Variants in BPI observed in about 807,000 individuals in gnomAD.
BPI encodes the protein bactericidal permeability increasing protein.
Under a neutral mutation model 57.6 loss-of-function variants are expected in BPI, and 48 were observed. The observed-to-expected ratio is 0.83, with a 90% CI of 0.66 to 1.06. BPI has a LOEUF of 1.06. Among genes scored for constraint, BPI ranks in the 50% least tolerant of loss-of-function variants. The pLI is 0.00. For missense variants in BPI, 651 were observed against 609.7 expected, an observed-to-expected ratio of 1.07 and a Z score of -0.71; for synonymous variants, 237 against 238.2, an observed-to-expected ratio of 0.99 and a Z score of 0.05.
intron 12 of BPI, among the ~76,000 whole-genome samples, chr20:38,331,860 A>G (rs975105405): frequency 2.2e-5 from 3 of 134,228 alleles, no homozygotes; most frequent in Admixed American, 7.2e-5. Context: ...AAAAAAAAAA[A>G]GAGAGAGAAG....
intron 1 of BPI, 30 bp downstream of exon 1, chr20:38,304,383 C>T: frequency 6.2e-7 from 1 of 1,608,702 alleles, no homozygotes; most frequent in Non-Finnish European, 8.5e-7. Flanking sequence ...CCCTCCTCTC[C>T]ACCCCTGAGG....
At chr20:38,316,737 T>C (rs2076654050) in intron 5 of BPI, among the ~76,000 whole-genome samples, 1 of 151,964 alleles carries the variant, frequency 6.6e-6, no homozygotes. Context: ...AAGGCTGGGG[T>C]ATTTGTCTAC....
At chr20:38,330,991 G>C in intron 11 of BPI, 57 bp from the exon 12 acceptor site, 1 of 1,591,306 alleles carries the variant, frequency 6.3e-7, no homozygotes. Flanking sequence ...CTAGAGACTG[G>C]GTTCTCATGC....
In BPI at chr20:38,337,475, G is replaced by T; in HGVS notation, c.*291G>T. The T allele has an allele frequency of 3.1e-6, 1 of 322,950 alleles. No homozygotes were observed. The highest frequency in any genetic ancestry group is 5.5e-6 in the Non-Finnish European group (1 of 180,292). The allele number at this position is 322,950 out of a possible 1,614,324, so 20.0% of individuals were successfully genotyped here. ...CAAGAAATTTCCATTTGTGCTTCAT[G>T]AAAAAAAACTTCTGGTTTTTTTCAT... is the stretch of plus-strand genomic sequence containing the variant. On this transcript the variant is annotated 3_prime_UTR_variant, in exon 15 of 15. Coordinates refer to ENST00000642449, the MANE Select transcript of BPI (RefSeq NM_001725.3).
chr20:38,320,942 G>A (rs1485812089), intron 7 of BPI, among the ~76,000 whole-genome samples: 1 of 116,326 alleles, frequency 8.6e-6, no homozygotes, highest in African/African-American at 3.3e-5. Context: ...TGGGTAAGTG[G>A]ATGGGAGGTG....
rs151215961 is a variant in BPI, at chr20:38,318,445, C to T, written c.633C>T (p.Ser211=). 2,922 of 1,613,890 alleles carry T rather than the reference C, an allele frequency of 1.8e-3. 42 individuals are homozygous for T. The African/African-American group carries it at 0.033, about 18-fold the overall frequency. The change falls in exon 6 of 15, where the codon TCC becomes TCT. Residue 211 remains serine, a synonymous_variant. Transcript: ENST00000642449. The stretch of plus-strand genomic sequence containing the variant: ...AGAAAGTGACCAATTCTGTATCCTC[C>T]GAGCTGCAACCTTATTTCCAGACTC... ...VCEKVTNSVS[S]ELQPYFQTLP... is the part of the protein sequence containing the mutation.
At chr20:38,324,166 A>G in intron 8 of BPI, 120 bp downstream of exon 8, 1 of 1,221,496 alleles carries the variant, frequency 8.2e-7, no homozygotes, top group South Asian at 1.6e-5. Flanking sequence ...TTGACTCTAG[A>G]GTCAGCTAGA....
chr20:38,327,665 C>T lies in BPI; in HGVS notation c.1229+10C>T, dbSNP rs936480285. ...AGCTCAAGCTGGATAGGTAAGTGGGCCTGTGAGAGGAGGAGGGGGCTGCCC... is the reference window on the plus strand; with the variant it reads ...AGCTCAAGCTGGATAGGTAAGTGGGTCTGTGAGAGGAGGAGGGGGCTGCCC... On this transcript the variant is annotated intron_variant, in intron 11 of 14. Coordinates refer to ENST00000642449, the MANE Select transcript of BPI (RefSeq NM_001725.3). The T allele has an allele frequency of 6.8e-6, 11 of 1,613,002 alleles. No individual in the cohort carries two copies. The highest frequency in any genetic ancestry group is 2.2e-5 in the East Asian group (1 of 44,864).
chr20:38,317,339 AGGCATGACAGGGAT>A (rs1187851335), intron 5 of BPI, among the ~76,000 whole-genome samples: 1 of 152,228 alleles, frequency 6.6e-6, no homozygotes, highest in African/African-American at 2.4e-5. Context: ...ATCAGGAAAA[AGGCATGACAGGGAT>A]GGCTAAGCTC....
intron 12 of BPI, among the ~76,000 whole-genome samples, chr20:38,333,177 G>C (rs1021652244): frequency 6.6e-6 from 1 of 151,934 alleles, no homozygotes; most frequent in African/African-American, 2.4e-5. Context: ...GTATTTTCAT[G>C]GACTTACTGG....
chr20:38,311,710 C>T (rs1015679232), intron 4 of BPI, among the ~76,000 whole-genome samples, 164 bp from the exon 5 acceptor site: 9 of 151,986 alleles, frequency 5.9e-5, no homozygotes, highest in African/African-American at 2.2e-4. Context: ...GTCACTAAAT[C>T]GGGGAGAAGT....
chr20:38,307,649 G>C lies in BPI; in HGVS notation c.213G>C (p.Lys71Asn). 1 of 1,612,100 alleles carries C rather than the reference G, an allele frequency of 6.2e-7. No individual in the cohort carries two copies. Among genetic ancestry groups the C allele is most frequent in the South Asian group, 1.1e-5 (1 of 90,584 alleles). The change falls in exon 2 of 15, where the codon AAG (lysine) becomes AAC (asparagine). Residue 71 changes from lysine (K) to asparagine (N), a missense_variant. Transcript: ENST00000642449. ...ACTACTCAGACAGCTTTAAGATCAA[G>C]CATCTTGGGAAGGGGCATTATAGCT... ...IPDYSDSFKI[K>N]HLGKGHYSFY... is the part of the protein sequence containing the mutation.
intron 5 of BPI, among the ~76,000 whole-genome samples, chr20:38,314,403 ATGG>A (rs1405695451): frequency 7.6e-6 from 1 of 131,098 alleles, no homozygotes; most frequent in East Asian, 2.7e-4. Flanking sequence ...GATGATGGTG[ATGG>A]TGGGGATGAT....
chr20:38,326,092 C>T (rs2076711429), intron 9 of BPI, among the ~76,000 whole-genome samples, 173 bp from the exon 10 acceptor site: 2 of 152,122 alleles, frequency 1.3e-5, no homozygotes, highest in South Asian at 4.1e-4. Flanking sequence ...GGCAGAGGTA[C>T]ATGTGGTGAG....
intron 7 of BPI, among the ~76,000 whole-genome samples, chr20:38,322,836 C>T (rs2076693302): frequency 6.6e-6 from 1 of 152,176 alleles, no homozygotes. Flanking sequence ...TCTCAAATTC[C>T]TGACCTCAGG....
intron 7 of BPI, 124 bp downstream of exon 7, chr20:38,320,398 T>C: frequency 1.2e-6 from 1 of 845,668 alleles, no homozygotes; most frequent in Non-Finnish European, 1.8e-6. Context: ...CACCACCCTC[T>C]CTACTCTCCC....
At chr20:38,309,695 T>G (rs1371215978) in intron 3 of BPI, among the ~76,000 whole-genome samples, 1 of 152,238 alleles carries the variant, frequency 6.6e-6, no homozygotes, top group Non-Finnish European at 1.5e-5. Context: ...AGGGTATGAA[T>G]GCAGGGCAGG....
At chr20:38,305,406 A>T (rs1303553017) in intron 1 of BPI, among the ~76,000 whole-genome samples, 2 of 152,014 alleles carry the variant, frequency 1.3e-5, no homozygotes, top group East Asian at 3.9e-4. Context: ...TGCCAATCGG[A>T]GTGAGTTTTC....
At chr20:38,317,234 A>C (rs6024822) in intron 5 of BPI, among the ~76,000 whole-genome samples, 20,540 of 152,130 alleles carry the variant, frequency 0.14, 2,451 homozygotes, top group East Asian at 0.53. Context: ...TGTGGTTTAA[A>C]TCCTATATTC....
Sources: allele counts gnomAD v4.1 joint callset (sites outside exome capture counted in the v4.1 genomes callset), GRCh38; gene constraint gnomAD v4.1.1; transcripts MANE v1.5; gene names NCBI Gene and HGNC (gene_info 2026-07-23, HGNC 2026-07-21).